RCOR2: variants seen among roughly 807,000 people sequenced by gnomAD.
RCOR2 encodes REST corepressor 2.
A neutral mutation model predicts 58.9 loss-of-function variants in RCOR2; 19 were observed. The ratio of observed to expected loss-of-function variants is 0.32; its 90% CI spans 0.23 to 0.47. The LOEUF is 0.47. Ranked by LOEUF, RCOR2 falls within the 20% of genes least tolerant of loss-of-function variation. The probability of loss-of-function intolerance (pLI) is 1.00; values close to 1 mark genes in which losing one functional copy is unlikely to be tolerated. For missense variants in RCOR2, 590 were observed against 707.9 expected (o/e 0.83, Z 1.89); for synonymous variants, 286 against 278.7 (o/e 1.03, Z -0.26).
chr11:63,921,292 G>A (rs1033902262), upstream of RCOR2, among the ~76,000 whole-genome samples: 1 of 152,204 alleles, frequency 6.6e-6, no homozygotes, highest in Non-Finnish European at 1.5e-5. Context: ...GCCCTCTGGC[G>A]GTGACCGCAT....
At chr11:63,916,243 G>A (rs1274155841) in intron 1 of RCOR2, 87 bp downstream of exon 1, 1 of 1,212,030 alleles carries the variant, frequency 8.3e-7, no homozygotes, top group Non-Finnish European at 1.2e-6. Context: ...CAGTGTAACA[G>A]GCTCGTGGTC....
chr11:63,926,499 T>TTTTTTTGTTTG, the RCOR2 span, among the ~76,000 whole-genome samples: 1 of 151,050 alleles, frequency 6.6e-6, no homozygotes, highest in African/African-American at 2.4e-5. Flanking sequence ...CTTTTTTTTT[T>TTTTTTTGTTTG]TTTGTTTGTT....
At chr11:63,920,574 T>C (rs939680693), upstream of RCOR2, among the ~76,000 whole-genome samples, 147 of 151,604 alleles carry the variant, frequency 9.7e-4, no homozygotes, top group Non-Finnish European at 1.9e-3. Context: ...GGCCCCGGGG[T>C]TGGGGAGGGA....
rs779170374 is a variant in RCOR2, at chr11:63,914,535, C to A, written c.487G>T (p.Asp163Tyr). ...TTCACCAGGCTGGGAATCAACTTGT[C>A]AGGCAGCTGGAGGAGGCAACGCCAG... ...CFQRIQQMLP[D>Y]KLIPSLVKYY... Residue 163 changes from aspartate (D) to tyrosine (Y), a missense_variant, in exon 6 of 12, where the codon GAC becomes TAC. Transcript: ENST00000301459. 1.9e-6 allele frequency: 3 copies of A among 1,613,700 alleles called. No individual in the cohort carries two copies. Among genetic ancestry groups the A allele is most frequent in the South Asian group, 1.1e-5 (1 of 91,076 alleles).
upstream of RCOR2, among the ~76,000 whole-genome samples, chr11:63,919,057 G>GA (rs1191889725): frequency 2.6e-5 from 4 of 152,180 alleles, no homozygotes; most frequent in African/African-American, 9.7e-5. Context: ...TGGAGGTGGG[G>GA]ACAGGGAGGG....
intron 8 of RCOR2, among the ~76,000 whole-genome samples, 160 bp from the exon 9 acceptor site, chr11:63,913,107 TA>T (rs1365756263): frequency 4.6e-5 from 7 of 151,338 alleles, no homozygotes; most frequent in Admixed American, 1.3e-4. Flanking sequence ...AACTACTCAG[TA>T]GGGGAGCCGC....
chr11:63,921,339 G>C (rs1421641252), upstream of RCOR2, among the ~76,000 whole-genome samples: 1 of 152,178 alleles, frequency 6.6e-6, no homozygotes, highest in Admixed American at 6.5e-5. Flanking sequence ...GGGAACAAAT[G>C]TCCTCCCAGA....
At chr11:63,915,149 C>T (rs1941837926) in intron 3 of RCOR2, 29 bp downstream of exon 3, 1 of 1,545,488 alleles carries the variant, frequency 6.5e-7, no homozygotes, top group South Asian at 1.2e-5. Context: ...AACCCAAGCC[C>T]CCACCTCCCA....
rs1219246807 is a variant in RCOR2, at chr11:63,914,272, G to C, written c.664C>G (p.Pro222Ala). 1 of 1,613,540 alleles carries C rather than the reference G, an allele frequency of 6.2e-7. No homozygotes were observed. The highest frequency in any genetic ancestry group is 1.1e-5 in the South Asian group (1 of 91,078). The change falls in exon 7 of 12, where the codon CCC (proline) becomes GCC (alanine). Residue 222 changes from proline (P) to alanine (A), a missense_variant. By Grantham distance (27) the Pro-to-Ala change is conservative (BLOSUM62 -1). Around this residue, in one of 3 missense-constraint regions of RCOR2, gnomAD observed 390 missense variants for 478.7 expected, o/e 0.81. Transcript: ENST00000301459. ...VSEGEPDPAD[P>A]KREPLPSRPL... is the part of the protein sequence containing the mutation. Reference sequence around the variant, plus strand: ...CTCTGGGAGCTCACCTCTCTCTTGGGATCTGCAGGATCGGGCTCTCCCTCA... The same window carrying C: ...CTCTGGGAGCTCACCTCTCTCTTGGCATCTGCAGGATCGGGCTCTCCCTCA...
Position 63,912,441 on chromosome 11 carries a change from C to G in RCOR2, c.1121G>C (p.Arg374Pro), listed in dbSNP as rs1443483178. The G allele has an allele frequency of 6.2e-7, 1 of 1,613,952 alleles. No individual in the cohort carries two copies. The highest frequency in any genetic ancestry group is 8.5e-7 in the Non-Finnish European group (1 of 1,179,974). ...CACCTCCTCCAGATTGAAGCGGCGCCGGTAGCTCACAAAGAAAGTCTTCAC... is the reference window on the plus strand; with the variant it reads ...CACCTCCTCCAGATTGAAGCGGCGCGGGTAGCTCACAAAGAAAGTCTTCAC... ...TQVKTFFVSY[R>P]RRFNLEEVLQ... Residue 374 changes from arginine to proline, a missense_variant, in exon 11 of 12, where the codon CGG (arginine) becomes CCG (proline). Physicochemically the swap from Arg to Pro is moderately radical, Grantham distance 103. This residue lies in a region of RCOR2 where 196 missense variants were observed against 210.7 expected (regional missense o/e 0.93). Coordinates refer to ENST00000301459, the MANE Select transcript of RCOR2 (RefSeq NM_173587.4).
the RCOR2 span, among the ~76,000 whole-genome samples, chr11:63,923,546 G>A: frequency 5.9e-5 from 9 of 152,126 alleles, no homozygotes; most frequent in African/African-American, 1.2e-4. Flanking sequence ...GACATTTAGC[G>A]GGTATGTTCT....
upstream of RCOR2, among the ~76,000 whole-genome samples, chr11:63,919,854 G>T (rs140718294): frequency 6.8e-3 from 1,038 of 152,378 alleles, 17 homozygotes; most frequent in African/African-American, 0.024. Context: ...GACGCAGGCC[G>T]CCTGGAAGCA....
chr11:63,926,489 C>CTTTTTTTTTT, the RCOR2 span, among the ~76,000 whole-genome samples: 155 of 137,260 alleles, frequency 1.1e-3, no homozygotes, highest in Non-Finnish European at 1.7e-3. Flanking sequence ...CTCTCTCTCT[C>CTTTTTTTTTT]TTTTTTTTTT....
Position 63,914,091 on chromosome 11 carries a change from G to A in RCOR2, c.754C>T (p.Pro252Ser). The change falls in exon 8 of 12, where the codon CCC (proline) becomes TCC (serine). Residue 252 changes from proline to serine, a missense_variant. Physicochemically the swap from Pro to Ser is moderately conservative, Grantham distance 74. Transcript: ENST00000301459. ...EVQVSQYRHHPLRTRRRPPKG... is the reference protein window; with the variant it reads ...EVQVSQYRHHSLRTRRRPPKG... ...GGTGGGCGACGCCGGGTTCGCAAGG[G>A]ATGGTGGCGGTACTGAGACACCTGG... The A allele has an allele frequency of 6.2e-7, 1 of 1,613,964 alleles. No individual in the cohort carries two copies. Among genetic ancestry groups the A allele is most frequent in the Non-Finnish European group, 8.5e-7 (1 of 1,180,036 alleles).
the RCOR2 span, among the ~76,000 whole-genome samples, chr11:63,926,940 G>A: frequency 6.6e-6 from 1 of 152,004 alleles, no homozygotes; most frequent in Middle Eastern, 3.4e-3. Context: ...TCCTATCTCA[G>A]TCTCTCGAGT....
At chr11:63,920,277 T>C (rs1428905553), upstream of RCOR2, among the ~76,000 whole-genome samples, 1 of 152,192 alleles carries the variant, frequency 6.6e-6, no homozygotes, top group Admixed American at 6.5e-5. Flanking sequence ...GCTTCCTCCT[T>C]CCTCAAGGTG....
upstream of RCOR2, among the ~76,000 whole-genome samples, chr11:63,918,634 C>T (rs2134250691): frequency 6.6e-6 from 1 of 152,238 alleles, no homozygotes; most frequent in East Asian, 1.9e-4. Flanking sequence ...CTTCCCAGGC[C>T]GACCCCTCCT....
In RCOR2 at chr11:63,912,528, C is replaced by T. The variant is rs1020367092; in HGVS notation, c.1034G>A (p.Arg345His). The change falls in exon 11 of 12, where the codon CGT becomes CAT. Residue 345 changes from arginine (R) to histidine (H), a missense_variant. Physicochemically the swap from Arg to His is conservative, Grantham distance 29. Transcript: ENST00000301459. ...DEQLLAVQAI[R>H]RYGKDFGAIA... Reference sequence around the variant, plus strand: ...AGCCCCAAAGTCTTTGCCATACCTACGGATGGCTGCAAGGGTCAAAAGGGC... The same window carrying T: ...AGCCCCAAAGTCTTTGCCATACCTATGGATGGCTGCAAGGGTCAAAAGGGC... 1.2e-6 allele frequency: 2 copies of T among 1,611,728 alleles called. No homozygotes were observed. The highest frequency in any genetic ancestry group is 8.5e-7 in the Non-Finnish European group (1 of 1,177,910).
chr11:63,919,515 A>T (rs1041784965), upstream of RCOR2, among the ~76,000 whole-genome samples: 1 of 151,964 alleles, frequency 6.6e-6, no homozygotes, highest in Non-Finnish European at 1.5e-5. Flanking sequence ...CCCTGGCTCC[A>T]CTTGTCCCCA....
Sources: allele counts gnomAD v4.1 joint callset (sites outside exome capture counted in the v4.1 genomes callset), GRCh38; gene constraint gnomAD v4.1.1; regional missense constraint gnomAD v4.1.1; transcripts MANE v1.5; gene names NCBI Gene and HGNC (gene_info 2026-07-23, HGNC 2026-07-21).